The following TMEM178A variants were observed in gnomAD, a reference collection of about 807,000 sequenced individuals.
TMEM178A encodes the protein transmembrane protein 178A, also known as transmembrane protein 178.
In TMEM178A, 12 loss-of-function variants were observed where a neutral mutation model predicts 29.1. The observed-to-expected ratio is 0.41, with a 90% CI of 0.26 to 0.67. TMEM178A has a LOEUF of 0.67. Among genes scored for constraint, TMEM178A ranks in the 30% least tolerant of loss-of-function variants. The pLI, the probability that TMEM178A is intolerant of heterozygous loss-of-function variation, is 0.29. For synonymous variants in TMEM178A, 210 were observed against 187.2 expected (o/e 1.12, Z -0.99); for missense variants, 366 against 419.1 (o/e 0.87, Z 1.11).
downstream of TMEM178A, among the ~76,000 whole-genome samples, chr2:39,722,187 A>AT (rs1259995258): frequency 6.6e-6 from 1 of 151,894 alleles, no homozygotes; most frequent in Non-Finnish European, 1.5e-5. Context: ...TATTTTAGAG[A>AT]TGGAATTGAT....
downstream of TMEM178A, among the ~76,000 whole-genome samples, chr2:39,718,767 G>A (rs776761580): frequency 3.3e-5 from 5 of 152,026 alleles, no homozygotes; most frequent in Non-Finnish European, 5.9e-5. Flanking sequence ...ATCTTTCAGC[G>A]GAGGGTGGGG....
At chr2:39,675,423 G>A (rs1670576529) in intron 1 of TMEM178A, among the ~76,000 whole-genome samples, 1 of 151,974 alleles carries the variant, frequency 6.6e-6, no homozygotes, top group South Asian at 2.1e-4. Context: ...GGGCAGTTTT[G>A]TATGCCATAC....
chr2:39,696,157 G>A (rs929393885), intron 1 of TMEM178A, among the ~76,000 whole-genome samples: 18 of 152,176 alleles, frequency 1.2e-4, no homozygotes, highest in African/African-American at 1.7e-4. Context: ...AGGGTAGGTT[G>A]AGGGTTGAGC....
chr2:39,734,595 C>A, the TMEM178A span, among the ~76,000 whole-genome samples: 8 of 152,210 alleles, frequency 5.3e-5, no homozygotes, highest in African/African-American at 1.9e-4. Context: ...AACATCTCCA[C>A]TTTGTTTAAT....
chr2:39,681,891 C>A (rs1161100285), intron 1 of TMEM178A, among the ~76,000 whole-genome samples: 13 of 152,172 alleles, frequency 8.5e-5, no homozygotes, highest in Admixed American at 8.5e-4. Context: ...GTAGTTATCA[C>A]CTGTCTACAG....
At chr2:39,665,555 A>G, upstream of TMEM178A, 1 of 165,426 alleles carries the variant, frequency 6.0e-6, no homozygotes, top group Non-Finnish European at 1.3e-5. Context: ...GACAGGGTTA[A>G]GGGGAGAGAG....
At chr2:39,712,151 T>C (rs892202697) in intron 3 of TMEM178A, among the ~76,000 whole-genome samples, 8 of 151,970 alleles carry the variant, frequency 5.3e-5, no homozygotes, top group Non-Finnish European at 2.9e-5. Context: ...GAGTAATCTG[T>C]GTGCAAACTA....
chr2:39,696,496 A>G (rs1332439656), intron 1 of TMEM178A, among the ~76,000 whole-genome samples: 1 of 152,026 alleles, frequency 6.6e-6, no homozygotes, highest in Non-Finnish European at 1.5e-5. Context: ...CCTCACCATA[A>G]CTCAGTGAGG....
At chr2:39,706,466 A>C (rs777560853) in intron 2 of TMEM178A, among the ~76,000 whole-genome samples, 3 of 152,186 alleles carry the variant, frequency 2.0e-5, no homozygotes, top group Non-Finnish European at 4.4e-5. Context: ...CGCTTTCTCA[A>C]ATTGTTTTTG....
downstream of TMEM178A, among the ~76,000 whole-genome samples, chr2:39,722,921 G>C (rs1476756380): frequency 6.6e-6 from 1 of 152,150 alleles, no homozygotes; most frequent in African/African-American, 2.4e-5. Context: ...CAGGACCTTA[G>C]AGGTAAATTC....
intron 2 of TMEM178A, among the ~76,000 whole-genome samples, chr2:39,706,627 T>TA: frequency 6.6e-6 from 1 of 151,678 alleles, no homozygotes; most frequent in East Asian, 1.9e-4. Context: ...TACATTTCTT[T>TA]TTTTTCCCCT....
intron 3 of TMEM178A, 148 bp downstream of exon 3, chr2:39,707,334 A>T (rs993634554): frequency 5.8e-6 from 6 of 1,032,740 alleles, no homozygotes; most frequent in Non-Finnish European, 8.2e-6. Context: ...TTGCTGGAAA[A>T]TACAGAATTT....
chr2:39,691,667 C>T (rs1671323402), intron 1 of TMEM178A, among the ~76,000 whole-genome samples: 1 of 152,002 alleles, frequency 6.6e-6, no homozygotes, highest in Non-Finnish European at 1.5e-5. Flanking sequence ...ATCAGGATCT[C>T]GAAGAAATGT....
At chr2:39,698,088 T>C (rs903306716) in intron 1 of TMEM178A, 2 of 152,218 alleles carry the variant, frequency 1.3e-5, no homozygotes, top group African/African-American at 4.8e-5. Flanking sequence ...GGTTCTAAAT[T>C]GGAAAGATTG....
chr2:39,717,542 G>T lies in TMEM178A; in HGVS notation c.*291G>T. ...GAAACTGCAATGGAAAAATTTGTATGATTTCCATTTATTTCAGAAAGTTTG... is the reference window on the plus strand; with the variant it reads ...GAAACTGCAATGGAAAAATTTGTATTATTTCCATTTATTTCAGAAAGTTTG... On this transcript the variant is annotated 3_prime_UTR_variant, in exon 4 of 4. Coordinates refer to ENST00000281961, the MANE Select transcript of TMEM178A (RefSeq NM_152390.3). 3.6e-6 allele frequency: 1 copy of T among 276,856 alleles called. No homozygotes were observed. Among genetic ancestry groups the T allele is most frequent in the Non-Finnish European group, 6.7e-6 (1 of 148,532 alleles). 17.1% of individuals were successfully genotyped at this position (276,856 alleles called of 1,614,324 possible). A position where few individuals can be genotyped will look rare whatever the true frequency, so the allele number is the denominator to read the frequency against.
chr2:39,727,184 C>G, the TMEM178A span, among the ~76,000 whole-genome samples: 12 of 152,314 alleles, frequency 7.9e-5, no homozygotes, highest in African/African-American at 2.9e-4. Context: ...CTGGTATCCT[C>G]TTGCTCCTGC....
Position 39,666,194 on chromosome 2 carries a change from G to T in TMEM178A, c.220G>T (p.Gly74Trp). 7.0e-7 allele frequency: 1 copy of T among 1,424,368 alleles called. No individual in the cohort carries two copies. 88.2% of individuals were successfully genotyped at this position (1,424,368 alleles called of 1,614,324 possible). ...HLPLRDSPPL[G>W]RRLLPGGPGR... ...GCCGCTGCGGGACTCGCCCCCGCTGGGGCGCCGGCTGCTCCCGGGCGGCCC... is the reference window on the plus strand; with the variant it reads ...GCCGCTGCGGGACTCGCCCCCGCTGTGGCGCCGGCTGCTCCCGGGCGGCCC... Residue 74 changes from glycine (G) to tryptophan (W), a missense_variant, in exon 1 of 4, where the codon GGG becomes TGG. Gly to Trp is a radical substitution (Grantham distance 184, BLOSUM62 -2). Around this residue, in one of 2 missense-constraint regions of TMEM178A, gnomAD observed 247 missense variants for 246.8 expected, o/e 1.00. Transcript: ENST00000281961.
intron 3 of TMEM178A, among the ~76,000 whole-genome samples, chr2:39,709,478 T>C (rs920706091): frequency 2.6e-5 from 4 of 152,192 alleles, no homozygotes; most frequent in African/African-American, 9.7e-5. Flanking sequence ...TCTGAGGTTT[T>C]AGAGGAGGAT....
intron 1 of TMEM178A, among the ~76,000 whole-genome samples, chr2:39,690,433 C>T (rs985244966): frequency 4.6e-5 from 7 of 152,164 alleles, no homozygotes; most frequent in Admixed American, 2.6e-4. Flanking sequence ...CAGGACACTG[C>T]CGTGGGGAAA....
Sources: allele counts gnomAD v4.1 joint callset (sites outside exome capture counted in the v4.1 genomes callset), GRCh38; gene constraint gnomAD v4.1.1; regional missense constraint gnomAD v4.1.1; transcripts MANE v1.5; gene names NCBI Gene and HGNC (gene_info 2026-07-23, HGNC 2026-07-21).